FOXP1: variants seen among roughly 807,000 people sequenced by gnomAD.
FOXP1 encodes the protein forkhead box protein P1.
FOXP1 carries 15 observed loss-of-function variants against 98.2 expected under a neutral mutation model. The ratio of observed to expected loss-of-function variants is 0.15; its 90% confidence interval spans 0.10 to 0.24. The LOEUF (loss-of-function observed/expected upper bound fraction) is 0.24, where lower values mean the gene tolerates loss of function less well. Ranked by LOEUF, FOXP1 falls within the 10% of genes least tolerant of loss-of-function variation. The probability of loss-of-function intolerance (pLI) is 1.00; values close to 1 mark genes in which losing one functional copy is unlikely to be tolerated. For missense variants in FOXP1, 633 were observed against 848.5 expected (o/e 0.75, Z 3.15); for synonymous variants, 371 against 314.5 (o/e 1.18, Z -1.90).
intron 12 of FOXP1, among the ~76,000 whole-genome samples, chr3:71,013,467 G>C (rs1005424168): frequency 6.6e-6 from 1 of 152,134 alleles, no homozygotes; most frequent in Non-Finnish European, 1.5e-5. Context: ...TCTTCAAGGA[G>C]AACTACAAAC....
In FOXP1 at chr3:71,476,963, C is replaced by T. The variant is rs138808218; in HGVS notation, c.-168+16463G>A. Among the ~76,000 whole-genome samples, 516 of 152,256 alleles carry T rather than the reference C, an allele frequency of 3.4e-3. 3 individuals carry two copies. Among genetic ancestry groups the T allele is most frequent in the African/African-American group, 0.012 (489 of 41,560 alleles). On this transcript the variant is annotated intron_variant, in intron 3 of 20. Coordinates refer to ENST00000649528, the MANE Select transcript of FOXP1 (RefSeq NM_001349338.3). The stretch of plus-strand genomic sequence containing the variant: ...TAAGAAATTACTCATCTGAAGGAAA[C>T]TTATTGACATTTATCTCATTCTCCC...
intron 19 of FOXP1, 197 bp downstream of exon 19, chr3:70,970,539 C>A: frequency 1.7e-6 from 1 of 586,680 alleles, no homozygotes; most frequent in South Asian, 2.0e-5. Flanking sequence ...CCACAATATT[C>A]AAAATGCTAA....
At chr3:71,051,957 C>G (rs1216690257) in intron 9 of FOXP1, among the ~76,000 whole-genome samples, 1 of 152,230 alleles carries the variant, frequency 6.6e-6, no homozygotes, top group Non-Finnish European at 1.5e-5. Context: ...CAAGAAAACA[C>G]AACCCAAGCT....
intron 3 of FOXP1, among the ~76,000 whole-genome samples, chr3:71,430,512 G>T (rs1291882070): frequency 7.3e-6 from 1 of 136,598 alleles, no homozygotes; most frequent in African/African-American, 2.7e-5. Context: ...AGGAAAGAAA[G>T]AAAAAAAAAA....
chr3:71,021,992 C>A (rs762824542), intron 11 of FOXP1, among the ~76,000 whole-genome samples: 1 of 152,164 alleles, frequency 6.6e-6, no homozygotes, highest in Non-Finnish European at 1.5e-5. Flanking sequence ...TCTTTGGCTC[C>A]TTCTGTTTTT....
intron 7 of FOXP1, among the ~76,000 whole-genome samples, chr3:71,068,586 A>C (rs2107390261): frequency 6.6e-6 from 1 of 152,358 alleles, no homozygotes; most frequent in Admixed American, 6.5e-5. Context: ...CAACTGTGTG[A>C]TCAGAGGCCA....
At chr3:71,293,232 G>A (rs968707161) in intron 5 of FOXP1, among the ~76,000 whole-genome samples, 2 of 152,234 alleles carry the variant, frequency 1.3e-5, no homozygotes, top group South Asian at 4.1e-4. Context: ...TGAGGTTTGT[G>A]TTCCTAAAAT....
chr3:71,354,556 T>C (rs1400544966), intron 4 of FOXP1, among the ~76,000 whole-genome samples: 1 of 152,188 alleles, frequency 6.6e-6, no homozygotes, highest in Non-Finnish European at 1.5e-5. Context: ...CAACAACAAA[T>C]ATAAAACAGA....
chr3:71,256,274 C>G (rs908863208), intron 5 of FOXP1, among the ~76,000 whole-genome samples: 8 of 152,106 alleles, frequency 5.3e-5, no homozygotes, highest in African/African-American at 1.9e-4. Context: ...GAAACTGCGC[C>G]TCTCTCCAAT....
At chr3:71,501,959 G>A (rs543835920) in intron 2 of FOXP1, among the ~76,000 whole-genome samples, 2 of 152,284 alleles carry the variant, frequency 1.3e-5, no homozygotes, top group South Asian at 2.1e-4. Flanking sequence ...GGATTTGCAG[G>A]TTATATCCTG....
intron 2 of FOXP1, among the ~76,000 whole-genome samples, chr3:71,576,057 A>G (rs2047696641): frequency 1.3e-5 from 2 of 152,240 alleles, no homozygotes; most frequent in African/African-American, 4.8e-5. Flanking sequence ...AAGCAAATCT[A>G]TTCTATTGAA....
chr3:71,510,358 T>C (rs2042115685), intron 2 of FOXP1, among the ~76,000 whole-genome samples: 1 of 151,780 alleles, frequency 6.6e-6, no homozygotes, highest in African/African-American at 2.4e-5. Context: ...TTGCCTGTAA[T>C]CCCAGCTACT....
intron 3 of FOXP1, among the ~76,000 whole-genome samples, chr3:71,456,733 A>G (rs1421740712): frequency 6.6e-6 from 1 of 152,078 alleles, no homozygotes; most frequent in Non-Finnish European, 1.5e-5. Context: ...TATGCTAGGT[A>G]TTTTTATTAC....
In FOXP1 at chr3:71,583,706, G is replaced by T; in HGVS notation, c.-582C>A. On this transcript the variant is annotated 5_prime_UTR_variant, in exon 1 of 21. Coordinates refer to ENST00000649528, the MANE Select transcript of FOXP1 (RefSeq NM_001349338.3). ...CGCGCGCACACACGCACTCCCGGGC[G>T]AGGGCCGGGCCGCCGCGAGTACAGC... 1 of 984,860 alleles carries T rather than the reference G, an allele frequency of 1.0e-6. No homozygotes were observed. Among genetic ancestry groups the T allele is most frequent in the Non-Finnish European group, 1.2e-6 (1 of 829,850 alleles). 61.0% of individuals were successfully genotyped at this position (984,860 alleles called of 1,614,324 possible). A position where few individuals can be genotyped will look rare whatever the true frequency, so the allele number is the denominator to read the frequency against.
intron 14 of FOXP1, among the ~76,000 whole-genome samples, chr3:70,986,290 C>T (rs1197042280): frequency 4.6e-5 from 7 of 152,188 alleles, no homozygotes; most frequent in African/African-American, 7.2e-5. Flanking sequence ...CCCGGTCACT[C>T]GCCAAGCGCC....
chr3:71,401,289 A>G (rs1010947981), intron 3 of FOXP1, among the ~76,000 whole-genome samples: 1 of 152,356 alleles, frequency 6.6e-6, no homozygotes, highest in Admixed American at 6.5e-5. Flanking sequence ...CCTATTTGGA[A>G]CTTACATTCT....
chr3:71,073,020 T>C (rs2053431631), intron 7 of FOXP1, among the ~76,000 whole-genome samples: 1 of 152,242 alleles, frequency 6.6e-6, no homozygotes, highest in African/African-American at 2.4e-5. Flanking sequence ...TGGCATTTCA[T>C]CCTTCATGAG....
chr3:71,025,650 A>G (rs2107835047), intron 11 of FOXP1, among the ~76,000 whole-genome samples: 1 of 152,350 alleles, frequency 6.6e-6, no homozygotes, highest in South Asian at 2.1e-4. Context: ...CAAAACAGGT[A>G]AGGCTGAAGG....
intron 7 of FOXP1, among the ~76,000 whole-genome samples, chr3:71,078,178 T>C (rs1194079783): frequency 1.3e-5 from 2 of 152,230 alleles, no homozygotes; most frequent in Non-Finnish European, 2.9e-5. Flanking sequence ...AGATGAATTG[T>C]GTGCTCTTTC....
Sources: allele counts gnomAD v4.1 joint callset (sites outside exome capture counted in the v4.1 genomes callset), GRCh38; gene constraint gnomAD v4.1.1; transcripts MANE v1.5; gene names NCBI Gene and HGNC (gene_info 2026-07-23, HGNC 2026-07-21).